The following ZFAND4 variants were observed in gnomAD, a reference collection of about 807,000 sequenced individuals.
The protein encoded by ZFAND4 is zinc finger AN1-type containing 4.
ZFAND4 carries 43 observed loss-of-function variants against 64.4 expected under a neutral mutation model. That is an observed-to-expected ratio of 0.67 (90% CI 0.52 to 0.86). The LOEUF (loss-of-function observed/expected upper bound fraction) is 0.86, where lower values mean the gene tolerates loss of function less well. Among genes scored for constraint, ZFAND4 ranks in the 40% least tolerant of loss-of-function variants. The probability of loss-of-function intolerance (pLI) is 0.00; values close to 1 mark genes in which losing one functional copy is unlikely to be tolerated. For synonymous variants in ZFAND4, 296 were observed against 305.7 expected, an observed-to-expected ratio of 0.97 and a Z score of 0.33; for missense variants, 929 against 859.8, an observed-to-expected ratio of 1.08 and a Z score of -1.01.
chr10:45,621,742 A>T (rs1180351842), intron 8 of ZFAND4, among the ~76,000 whole-genome samples: 1 of 152,132 alleles, frequency 6.6e-6, no homozygotes, highest in African/African-American at 2.4e-5. Flanking sequence ...ACTCCACCTC[A>T]CAAAAAACAA....
intron 2 of ZFAND4, among the ~76,000 whole-genome samples, chr10:45,655,977 A>T (rs970821804): frequency 5.3e-5 from 8 of 152,244 alleles, no homozygotes; most frequent in African/African-American, 1.9e-4. Flanking sequence ...CACGCCTGTA[A>T]TCCCAGCACT....
intron 6 of ZFAND4, among the ~76,000 whole-genome samples, chr10:45,628,112 A>G (rs2045963790): frequency 6.6e-6 from 1 of 152,234 alleles, no homozygotes; most frequent in Admixed American, 6.5e-5. Context: ...ACTAAACACA[A>G]GAAATCTAGC....
chr10:45,646,054 A>C (rs2047356505), intron 5 of ZFAND4, among the ~76,000 whole-genome samples: 3 of 152,212 alleles, frequency 2.0e-5, no homozygotes, highest in Admixed American at 6.5e-5. Context: ...GAACTTTTGC[A>C]ATTGACTTTG....
intron 8 of ZFAND4, among the ~76,000 whole-genome samples, chr10:45,620,346 T>A (rs531733752): frequency 3.9e-5 from 6 of 152,066 alleles, no homozygotes; most frequent in Non-Finnish European, 8.8e-5. Context: ...CTGGGCATGG[T>A]AGCACGCGCC....
chr10:45,644,560 T>C (rs1320836624), intron 5 of ZFAND4, among the ~76,000 whole-genome samples: 3 of 152,214 alleles, frequency 2.0e-5, no homozygotes, highest in Non-Finnish European at 4.4e-5. Flanking sequence ...TACTCATCAA[T>C]AGTGAATTAA....
chr10:45,672,008 T>A (rs1181288645), intron 1 of ZFAND4, among the ~76,000 whole-genome samples: 1 of 152,086 alleles, frequency 6.6e-6, no homozygotes, highest in East Asian at 1.9e-4. Flanking sequence ...AGAAGAGCAG[T>A]TACCTTTGAA....
At chr10:45,667,260 C>G (rs1161511240) in intron 1 of ZFAND4, among the ~76,000 whole-genome samples, 2 of 152,042 alleles carry the variant, frequency 1.3e-5, no homozygotes, top group Non-Finnish European at 2.9e-5. Context: ...TTACAGATTG[C>G]TCATTGCTGG....
intron 6 of ZFAND4, among the ~76,000 whole-genome samples, chr10:45,637,823 G>C (rs1461080913): frequency 6.6e-6 from 1 of 152,060 alleles, no homozygotes; most frequent in Non-Finnish European, 1.5e-5. Context: ...TTCACCCAAA[G>C]AATAAGAAAG....
rs1452897074 is a variant in ZFAND4, at chr10:45,626,646, A to T, written c.1177T>A (p.Ser393Thr). 1.2e-6 allele frequency: 2 copies of T among 1,614,192 alleles called. No homozygotes were observed. The highest frequency in any genetic ancestry group is 4.5e-5 in the East Asian group (2 of 44,892). ...LPSEECVTEQSLLPKVGSLAS... is the reference protein window; with the variant it reads ...LPSEECVTEQTLLPKVGSLAS... The stretch of plus-strand genomic sequence containing the variant: ...AGTGAGCCCACTTTAGGTAGAAGTG[A>T]TTGTTCGGTTACACATTCTTCTGAA... The change falls in exon 7 of 10, where the codon TCA becomes ACA. Residue 393 changes from serine to threonine, a missense_variant. Physicochemically the swap from Ser to Thr is moderately conservative, Grantham distance 58. Transcript: ENST00000344646.
intron 6 of ZFAND4, among the ~76,000 whole-genome samples, chr10:45,633,215 CAA>C (rs201868878): frequency 0.037 from 3,266 of 88,016 alleles, 95 homozygotes; most frequent in African/African-American, 0.094. Context: ...ATCAAGTTGA[CAA>C]AAAAAAAAAA....
At chr10:45,663,175 GA>G (rs1455278576) in intron 2 of ZFAND4, among the ~76,000 whole-genome samples, 1 of 148,248 alleles carries the variant, frequency 6.7e-6, no homozygotes, top group East Asian at 2.0e-4. Flanking sequence ...AAGGTCCCTA[GA>G]AGGGAATATA....
chr10:45,618,179 C>T lies in ZFAND4; in HGVS notation c.2009G>A (p.Cys670Tyr). The change falls in exon 9 of 10, where the codon TGT becomes TAT. Residue 670 changes from cysteine (C) to tyrosine (Y), a missense_variant. Coordinates refer to ENST00000344646, the MANE Select transcript of ZFAND4 (RefSeq NM_174890.4). ...ACTAGCCAGTCCTGTTTTCTTTCCA[C>T]AAAGAAAACAATGATTTGTTGTTTT... is the stretch of plus-strand genomic sequence containing the variant. ...KKKTTNHCFL[C>Y]GKKTGLASSY... is the part of the protein sequence containing the mutation. 1 of 1,613,492 alleles carries T rather than the reference C, an allele frequency of 6.2e-7. No individual in the cohort carries two copies. The highest frequency in any genetic ancestry group is 2.2e-5 in the East Asian group (1 of 44,816).
Position 45,663,741 on chromosome 10 carries a change from A to G in ZFAND4, c.-16T>C. The stretch of plus-strand genomic sequence containing the variant: ...TGTTATCCATTACTTTGACTTTTCT[A>G]GTTCTTCTAAAATATGTCGCAGGCA... On this transcript the variant is annotated 5_prime_UTR_variant, in exon 2 of 10. Coordinates refer to ENST00000344646, the MANE Select transcript of ZFAND4 (RefSeq NM_174890.4). 1 of 1,579,176 alleles carries G rather than the reference A, an allele frequency of 6.3e-7. No homozygotes were observed. Among genetic ancestry groups the G allele is most frequent in the Non-Finnish European group, 8.6e-7 (1 of 1,169,400 alleles).
chr10:45,667,798 T>C lies in ZFAND4; in HGVS notation c.-117-3956A>G, dbSNP rs188634173. 2.0e-5 allele frequency among the ~76,000 whole-genome samples: 3 copies of C among 152,260 alleles called. No individual in the cohort carries two copies. The East Asian group carries it at 5.8e-4, about 29-fold the overall frequency. ...TCCCTTTCTTGCCTAATTGCCCTGC[T>C]CTGGAACCTTCAGTACAAGATTGAA... On this transcript the variant is annotated intron_variant, in intron 1 of 9. Coordinates refer to ENST00000344646, the MANE Select transcript of ZFAND4 (RefSeq NM_174890.4).
At chr10:45,662,507 T>C in intron 2 of ZFAND4, 2 of 730,390 alleles carry the variant, frequency 2.7e-6, no homozygotes, top group Non-Finnish European at 3.4e-6. Context: ...CCAAAAAAGG[T>C]ATCCTTTAAA....
chr10:45,627,587 C>T (rs997637154), intron 6 of ZFAND4, among the ~76,000 whole-genome samples: 6 of 152,070 alleles, frequency 3.9e-5, no homozygotes, highest in African/African-American at 1.4e-4. Context: ...ACATCTATTT[C>T]AGGAGGTTCA....
In ZFAND4 at chr10:45,626,648, T is replaced by C. The variant is rs762734293; in HGVS notation, c.1175A>G (p.Gln392Arg). 34 of 1,614,118 alleles carry C rather than the reference T, an allele frequency of 2.1e-5. 2 individuals are homozygous for C. In the South Asian group the frequency reaches 3.3e-4, roughly 16 times the overall value. The stretch of plus-strand genomic sequence containing the variant: ...TGAGCCCACTTTAGGTAGAAGTGAT[T>C]GTTCGGTTACACATTCTTCTGAAGG... The part of the protein sequence containing the change: ...VLPSEECVTE[Q>R]SLLPKVGSLA... The change falls in exon 7 of 10, where the codon CAA becomes CGA. Residue 392 changes from glutamine to arginine, a missense_variant. Coordinates refer to ENST00000344646, the MANE Select transcript of ZFAND4 (RefSeq NM_174890.4).
chr10:45,641,187 T>C (rs2046976447), intron 5 of ZFAND4, among the ~76,000 whole-genome samples: 1 of 152,236 alleles, frequency 6.6e-6, no homozygotes, highest in Admixed American at 6.5e-5. Context: ...ACAAAGATTT[T>C]GAAATTTAAT....
chr10:45,649,333 G>T (rs182965051), intron 4 of ZFAND4, among the ~76,000 whole-genome samples: 6 of 152,118 alleles, frequency 3.9e-5, no homozygotes. Context: ...ACGTGAGGGG[G>T]GTCACTTCAT....
Sources: gnomAD v4.1 joint callset for allele counts (sites outside exome capture counted in the v4.1 genomes callset) on GRCh38, gnomAD v4.1.1 for gene constraint, MANE v1.5 for transcripts, NCBI Gene and HGNC (gene_info 2026-07-23, HGNC 2026-07-21) for gene names.